Variants in NCOA2 observed in about 807,000 individuals in gnomAD.
NCOA2 encodes nuclear receptor coactivator 2, also known as class E basic helix-loop-helix protein 75.
Under a neutral mutation model 145.1 loss-of-function variants are expected in NCOA2, and 21 were observed. That is an observed-to-expected ratio of 0.14 (90% CI 0.10 to 0.21). NCOA2 has a LOEUF of 0.21. Among genes scored for constraint, NCOA2 ranks in the 10% least tolerant of loss-of-function variants. NCOA2 has a pLI of 1.00. For missense variants in NCOA2, 1,472 were observed against 1,837.6 expected (o/e 0.80, Z 3.64); for synonymous variants, 619 against 637.5 (o/e 0.97, Z 0.44).
At chr8:70,212,401 G>A (rs1819131605) in intron 4 of NCOA2, among the ~76,000 whole-genome samples, 1 of 152,174 alleles carries the variant, frequency 6.6e-6, no homozygotes, top group African/African-American at 2.4e-5. Context: ...GACGAGTGAT[G>A]AAGGGGACTG....
At chr8:70,375,726 A>C (rs1811607116) in intron 1 of NCOA2, among the ~76,000 whole-genome samples, 2 of 152,168 alleles carry the variant, frequency 1.3e-5, no homozygotes, top group African/African-American at 4.8e-5. Context: ...AGACTTGCTC[A>C]AATATCAGAC....
chr8:70,148,709 A>G (rs1019896605), intron 11 of NCOA2, among the ~76,000 whole-genome samples: 1 of 152,278 alleles, frequency 6.6e-6, no homozygotes, highest in Non-Finnish European at 1.5e-5. Context: ...ATCTATAAAA[A>G]GAGATGGCTG....
At chr8:70,217,835 C>A (rs973752525) in intron 2 of NCOA2, among the ~76,000 whole-genome samples, 2 of 152,126 alleles carry the variant, frequency 1.3e-5, no homozygotes, top group Non-Finnish European at 2.9e-5. Flanking sequence ...GCAGGACAAG[C>A]TGAAATCTGC....
At chr8:70,221,738 T>G (rs539063214) in intron 2 of NCOA2, among the ~76,000 whole-genome samples, 6 of 152,184 alleles carry the variant, frequency 3.9e-5, no homozygotes, top group Non-Finnish European at 8.8e-5. Flanking sequence ...TACAGACTAC[T>G]CAAGGATATA....
intron 2 of NCOA2, among the ~76,000 whole-genome samples, chr8:70,217,452 A>G (rs4738079): frequency 0.9 from 135,998 of 151,944 alleles, 61,294 homozygotes; most frequent in African/African-American, 0.95. Context: ...CAGCATGGTC[A>G]CTTCCTCTCT....
chr8:70,437,877 G>T, the NCOA2 span, among the ~76,000 whole-genome samples: 4 of 152,260 alleles, frequency 2.6e-5, no homozygotes, highest in African/African-American at 9.6e-5. Flanking sequence ...TATTTTTCAT[G>T]AGTTAAGTTT....
Position 70,170,183 on chromosome 8 carries a change from A to G in NCOA2, c.541+19T>C. The G allele has an allele frequency of 6.2e-7, 1 of 1,610,316 alleles. No individual in the cohort carries two copies. The highest frequency in any genetic ancestry group is 8.5e-7 in the Non-Finnish European group (1 of 1,178,346). Reference sequence around the variant, plus strand: ...TGGGGGTGACGGGAGGTAGGGAGGGAGACCCAGCAGACATTTACCTATAGA... The same window carrying G: ...TGGGGGTGACGGGAGGTAGGGAGGGGGACCCAGCAGACATTTACCTATAGA... On this transcript the variant is annotated intron_variant, in intron 6 of 22. Transcript: ENST00000452400.
intron 1 of NCOA2, among the ~76,000 whole-genome samples, chr8:70,397,569 C>T (rs566692352): frequency 1.3e-5 from 2 of 151,622 alleles, no homozygotes; most frequent in East Asian, 3.9e-4. Context: ...CCTTTAGAAA[C>T]CTAGGTAGTT....
chr8:70,390,211 TGTCTAG>T lies in NCOA2; in HGVS notation c.-77+13483_-77+13488del, dbSNP rs1813062559. Among the ~76,000 whole-genome samples the T allele has an allele frequency of 4.6e-5, 7 of 152,336 alleles. No individual in the cohort carries two copies. In the South Asian group the frequency reaches 1.4e-3, roughly 32 times the overall value. On this transcript the variant is annotated intron_variant, in intron 1 of 22. Coordinates refer to ENST00000452400, the MANE Select transcript of NCOA2 (RefSeq NM_006540.4). ...TTTCTATCCTGGGGTTGGGAGATGT[TGTCTAG>T]GTCTCTATGTCCCATTCAGAAAAGT...
At chr8:70,392,038 T>C (rs917414786) in intron 1 of NCOA2, among the ~76,000 whole-genome samples, 1 of 152,186 alleles carries the variant, frequency 6.6e-6, no homozygotes, top group Non-Finnish European at 1.5e-5. Context: ...GGAGGAGAAA[T>C]TAAAAACATT....
At chr8:70,383,513 T>C (rs1404171620) in intron 1 of NCOA2, among the ~76,000 whole-genome samples, 1 of 152,216 alleles carries the variant, frequency 6.6e-6, no homozygotes, top group Non-Finnish European at 1.5e-5. Context: ...GTTTTTGTTT[T>C]TGTTTTTCTG....
chr8:70,451,086 C>T, the NCOA2 span, among the ~76,000 whole-genome samples: 19 of 149,342 alleles, frequency 1.3e-4, no homozygotes, highest in East Asian at 2.7e-3. Context: ...GGCCTGGTGG[C>T]GGGCGCCTGT....
intron 22 of NCOA2, among the ~76,000 whole-genome samples, 169 bp downstream of exon 22, chr8:70,121,133 T>C (rs1372870624): frequency 6.6e-6 from 1 of 152,236 alleles, no homozygotes; most frequent in African/African-American, 2.4e-5. Context: ...AAAATGAGCT[T>C]AAAGAAATAA....
At chr8:70,260,986 A>G (rs1319751084) in intron 2 of NCOA2, among the ~76,000 whole-genome samples, 2 of 152,206 alleles carry the variant, frequency 1.3e-5, no homozygotes, top group Non-Finnish European at 2.9e-5. Flanking sequence ...AAATAGGAAC[A>G]CTTTCACACT....
chr8:70,132,738 T>C (rs556013879), intron 15 of NCOA2, among the ~76,000 whole-genome samples: 1 of 152,278 alleles, frequency 6.6e-6, no homozygotes, highest in East Asian at 1.9e-4. Context: ...TAATTTTTTG[T>C]ATTTTTTTGT....
intron 4 of NCOA2, among the ~76,000 whole-genome samples, chr8:70,177,867 T>C (rs977992405): frequency 6.6e-6 from 1 of 152,234 alleles, no homozygotes; most frequent in African/African-American, 2.4e-5. Context: ...CATGAGATTC[T>C]GATATCACAA....
upstream of NCOA2, chr8:70,403,847 C>CCCTCCTCCTCCTCCT (rs528610374): frequency 1.4e-3 from 531 of 376,558 alleles, 2 homozygotes; most frequent in South Asian, 0.014. Context: ...TCCCCCAACT[C>CCCTCCTCCTCCTCCT]CCTCCTCCTC....
intron 2 of NCOA2, among the ~76,000 whole-genome samples, chr8:70,228,004 CAA>C (rs34992637): frequency 3.6e-5 from 4 of 112,266 alleles, no homozygotes; most frequent in African/African-American, 6.8e-5. Flanking sequence ...GACTCCATCT[CAA>C]AAAAAAAAAA....
rs1248247003 is a variant in NCOA2, at chr8:70,270,944, TAAAGAA to T, written c.-20+25794_-20+25799del. On this transcript the variant is annotated intron_variant, in intron 2 of 22. Coordinates refer to ENST00000452400, the MANE Select transcript of NCOA2 (RefSeq NM_006540.4). ...TACCTATGAGCAATTAGTCTAAATATAAAGAAAAAGATGATGAATTATATGAATTTT... is the reference window on the plus strand; with the variant it reads ...TACCTATGAGCAATTAGTCTAAATATAAAGATGATGAATTATATGAATTTT... Among the ~76,000 whole-genome samples the T allele has an allele frequency of 2.0e-5, 3 of 152,282 alleles. No individual in the cohort carries two copies. The South Asian group carries it at 6.2e-4, about 32-fold the overall frequency.
Sources: gnomAD v4.1 joint callset for allele counts (sites outside exome capture counted in the v4.1 genomes callset) on GRCh38, gnomAD v4.1.1 for gene constraint, MANE v1.5 for transcripts, NCBI Gene and HGNC (gene_info 2026-07-23, HGNC 2026-07-21) for gene names.